ARMC10: variants seen among roughly 807,000 people sequenced by gnomAD.
ARMC10 encodes armadillo repeat containing 10, also known as armadillo repeat-containing protein 10.
A neutral mutation model predicts 30.2 loss-of-function variants in ARMC10; 23 were observed. That is an observed-to-expected ratio of 0.76 (90% CI 0.55 to 1.08). ARMC10 has a LOEUF of 1.08. ARMC10 is among the 50% of genes least tolerant of loss of function. ARMC10 has a pLI of 0.00. For missense variants in ARMC10, 303 were observed against 413.7 expected, an observed-to-expected ratio of 0.73 and a Z score of 2.32; for synonymous variants, 111 against 164.4, an observed-to-expected ratio of 0.68 and a Z score of 2.48.
rs747756158 is a variant in ARMC10 at position 103,092,540 on chromosome 7, G to GCGTC, written c.593_594insGTCC (p.Gly199SerfsTer14). On this transcript the variant is annotated frameshift_variant, in exon 5 of 7. Coordinates refer to ENST00000323716, the MANE Select transcript of ARMC10 (RefSeq NM_031905.5). LOFTEE classifies it high-confidence loss of function. The stretch of plus-strand genomic sequence containing the variant: ...TCCTCTGAACTCTGCTGTGCAGCTG[G>GCGTC]CTGGACTGACATTGTTGACAAACAT... 6.2e-6 allele frequency: 10 copies of GCGTC among 1,610,106 alleles called. No homozygotes were observed. The highest frequency in any genetic ancestry group is 8.5e-6 in the Non-Finnish European group (10 of 1,176,930).
At position 103,098,325 on chromosome 7, in the gene ARMC10, T is replaced by A; in HGVS notation, c.804T>A (p.Tyr268Ter). 1 of 1,605,464 alleles carries A rather than the reference T, an allele frequency of 6.2e-7. No individual in the cohort carries two copies. Among genetic ancestry groups the A allele is most frequent in the South Asian group, 1.1e-5 (1 of 89,064 alleles). ...TGGATTCATCATTCCTTTCCCTTTATGACAGCCACGTAGCAAAGGAGATTC... is the reference window on the plus strand; with the variant it reads ...TGGATTCATCATTCCTTTCCCTTTAAGACAGCCACGTAGCAAAGGAGATTC... ...AQVDSSFLSL[Y>*]DSHVAKEILL... Residue 268 changes from tyrosine (Y) to a stop codon, truncating the protein, a stop_gained, in exon 7 of 7, where the codon TAT becomes TAA. Coordinates refer to ENST00000323716, the MANE Select transcript of ARMC10 (RefSeq NM_031905.5). LOFTEE classifies it low-confidence loss of function (END_TRUNC).
At position 103,086,694 on chromosome 7, in the gene ARMC10, G is replaced by A. The variant is rs1335994484; in HGVS notation, c.458G>A (p.Ser153Asn). ...VANKINHSNQ[S>N]IKEKALNALN... The stretch of plus-strand genomic sequence containing the variant: ...AACAAAATCAACCATTCCAACCAGA[G>A]TATTAAAGAGAAAGCTTTAAATGCA... The change falls in exon 4 of 7, where the codon AGT (serine) becomes AAT (asparagine). Residue 153 changes from serine (S) to asparagine (N), a missense_variant. By Grantham distance (46) the Ser-to-Asn change is conservative. Coordinates refer to ENST00000323716, the MANE Select transcript of ARMC10 (RefSeq NM_031905.5). The A allele has an allele frequency of 6.3e-7, 1 of 1,595,872 alleles. No individual in the cohort carries two copies. The highest frequency in any genetic ancestry group is 8.5e-7 in the Non-Finnish European group (1 of 1,175,778).
chr7:103,094,955 C>T (rs1005842009), intron 5 of ARMC10, among the ~76,000 whole-genome samples: 2 of 29,844 alleles, frequency 6.7e-5, no homozygotes, highest in African/African-American at 7.4e-5. Flanking sequence ...TAGTAATTTT[C>T]TAAAAATAAA....
intron 2 of ARMC10, among the ~76,000 whole-genome samples, chr7:103,079,065 G>A (rs1194982611): frequency 1.3e-5 from 2 of 152,110 alleles, no homozygotes; most frequent in African/African-American, 4.8e-5. Flanking sequence ...CATTGAAAAA[G>A]ACGGAAACAG....
At chr7:103,082,591 A>G (rs767080708) in intron 2 of ARMC10, among the ~76,000 whole-genome samples, 39 of 152,194 alleles carry the variant, frequency 2.6e-4, no homozygotes, top group Non-Finnish European at 4.6e-4. Flanking sequence ...CTGCCTCCCA[A>G]AGTGCTGGGA....
At position 103,099,679 on chromosome 7, in the gene ARMC10, G is replaced by A. The variant is rs937179223; in HGVS notation, c.*1126G>A. 4 of 148,012 alleles carry A rather than the reference G, an allele frequency of 2.7e-5. No individual in the cohort carries two copies. The highest frequency in any genetic ancestry group is 7.4e-5 in the African/African-American group (3 of 40,590). 9.2% of individuals were successfully genotyped at this position (148,012 alleles called of 1,614,324 possible). A position where few individuals can be genotyped will look rare whatever the true frequency, so the allele number is the denominator to read the frequency against. ...AGTGGGAGTGGGGAATGCCTTCTACGTACACACTGTTCTACTGTTTGAATT... is the reference window on the plus strand; with the variant it reads ...AGTGGGAGTGGGGAATGCCTTCTACATACACACTGTTCTACTGTTTGAATT... On this transcript the variant is annotated 3_prime_UTR_variant, in exon 7 of 7. Coordinates refer to ENST00000323716, the MANE Select transcript of ARMC10 (RefSeq NM_031905.5).
intron 4 of ARMC10, chr7:103,089,575 T>C (rs1179490640): frequency 1.2e-5 from 2 of 165,128 alleles, no homozygotes; most frequent in African/African-American, 4.8e-5. Flanking sequence ...ATTCAAACAC[T>C]CTAACAGCTC....
intron 2 of ARMC10, chr7:103,083,145 T>G (rs759970090): frequency 4.4e-6 from 2 of 456,742 alleles, no homozygotes; most frequent in South Asian, 3.1e-5. Flanking sequence ...ATATAGTATT[T>G]GCATGAAGTG....
At chr7:103,086,940 A>G (rs983436207) in intron 4 of ARMC10, 176 bp downstream of exon 4, 99 of 1,475,438 alleles carry the variant, frequency 6.7e-5, no homozygotes, top group Non-Finnish European at 8.5e-5. Context: ...AATAAGAGGT[A>G]CAATAAGACT....
rs558324332 is a variant in ARMC10 at position 103,086,830 on chromosome 7, T to A, written c.528+66T>A. On this transcript the variant is annotated intron_variant, in intron 4 of 6. Coordinates refer to ENST00000323716, the MANE Select transcript of ARMC10 (RefSeq NM_031905.5). ...AAATAAAAAATAACAAAAAGATGAG[T>A]AATGAAACTTTAGTAGACTATCCTT... is the stretch of plus-strand genomic sequence containing the variant. The A allele has an allele frequency of 2.6e-6, 4 of 1,565,706 alleles. No homozygotes were observed. In the East Asian group the frequency reaches 7.0e-5, roughly 28 times the overall value.
At chr7:103,095,851 G>A (rs1206491002) in intron 5 of ARMC10, 2 of 147,322 alleles carry the variant, frequency 1.4e-5, no homozygotes, top group Non-Finnish European at 3.0e-5. Context: ...ACCAAACACT[G>A]TATATTCTCA....
intron 4 of ARMC10, among the ~76,000 whole-genome samples, chr7:103,090,053 CCTGG>C (rs1801178478): frequency 6.6e-6 from 1 of 152,150 alleles, no homozygotes; most frequent in South Asian, 2.1e-4. Context: ...TGGAGTCTGA[CCTGG>C]CTCTTGAGAA....
rs1237764449 is a variant in ARMC10, at chr7:103,099,452, CAA to C, written c.*900_*901del. 7.8e-6 allele frequency: 1 copy of C among 127,898 alleles called. No homozygotes were observed. The highest frequency in any genetic ancestry group is 1.7e-5 in the Non-Finnish European group (1 of 59,574). The allele number at this position is 127,898 out of a possible 1,614,324, so 7.9% of individuals were successfully genotyped here. On this transcript the variant is annotated 3_prime_UTR_variant, in exon 7 of 7. Coordinates refer to ENST00000323716, the MANE Select transcript of ARMC10 (RefSeq NM_031905.5). Reference sequence around the variant, plus strand: ...CGCCATTGCACTCCAGCCTGGGCAACAAGAGCAAAACTCTGTCTCAAAAAAAA... The same window carrying C: ...CGCCATTGCACTCCAGCCTGGGCAACGAGCAAAACTCTGTCTCAAAAAAAA...
intron 5 of ARMC10, among the ~76,000 whole-genome samples, chr7:103,094,819 ATC>A (rs1036433064): frequency 6.6e-6 from 1 of 152,188 alleles, no homozygotes; most frequent in Non-Finnish European, 1.5e-5. Flanking sequence ...GAAAAAGACA[ATC>A]TCTGCATATT....
chr7:103,096,151 T>C (rs1801744211), intron 5 of ARMC10: 1 of 152,218 alleles, frequency 6.6e-6, no homozygotes, highest in African/African-American at 2.4e-5. Flanking sequence ...TTATAAGTGA[T>C]AAGAATGCTG....
Position 103,093,392 on chromosome 7 carries a change from C to T in ARMC10, c.705+739C>T, listed in dbSNP as rs138036653. On this transcript the variant is annotated intron_variant, in intron 5 of 6. Coordinates refer to ENST00000323716, the MANE Select transcript of ARMC10 (RefSeq NM_031905.5). The stretch of plus-strand genomic sequence containing the variant: ...AAGCCATACTCCAAATATTCAACAT[C>T]ACTGCAGTTATTTTTGAGTTTATCA... Among the ~76,000 whole-genome samples, 731 of 152,272 alleles carry T rather than the reference C, an allele frequency of 4.8e-3. 6 individuals are homozygous for T. Among genetic ancestry groups the T allele is most frequent in the African/African-American group, 0.017 (690 of 41,548 alleles).
At chr7:103,091,902 C>T (rs1158035423) in intron 4 of ARMC10, among the ~76,000 whole-genome samples, 8 of 152,136 alleles carry the variant, frequency 5.3e-5, no homozygotes, top group Non-Finnish European at 7.3e-5. Context: ...GCAAGATAGC[C>T]GTAATAGTAC....
intron 3 of ARMC10, chr7:103,084,045 G>C: frequency 6.7e-7 from 1 of 1,502,428 alleles, no homozygotes; most frequent in Non-Finnish European, 8.9e-7. Context: ...TATGAAGTTG[G>C]TCACTGGCAT....
chr7:103,098,801 C>G lies in ARMC10; in HGVS notation c.*248C>G, dbSNP rs750620537. ...TATTTGCAAATGCTTGTTATCTTCCCTACATGAAGTGGCAGTAACCTTTTT... is the reference window on the plus strand; with the variant it reads ...TATTTGCAAATGCTTGTTATCTTCCGTACATGAAGTGGCAGTAACCTTTTT... On this transcript the variant is annotated 3_prime_UTR_variant, in exon 7 of 7. Coordinates refer to ENST00000323716, the MANE Select transcript of ARMC10 (RefSeq NM_031905.5). The G allele has an allele frequency of 2.9e-4, 96 of 330,282 alleles. 1 individual carries two copies. The highest frequency in any genetic ancestry group is 4.4e-4 in the Non-Finnish European group (81 of 183,844). The allele number at this position is 330,282 out of a possible 1,614,324, so 20.5% of individuals were successfully genotyped here.
Sources: gnomAD v4.1 joint callset for allele counts (sites outside exome capture counted in the v4.1 genomes callset) on GRCh38, gnomAD v4.1.1 for gene constraint, MANE v1.5 for transcripts, NCBI Gene and HGNC (gene_info 2026-07-23, HGNC 2026-07-21) for gene names.